PAK5: variants seen among roughly 807,000 people sequenced by gnomAD.
PAK5 encodes the protein p21 (RAC1) activated kinase 5, also known as serine/threonine-protein kinase PAK 5.
In PAK5, 16 loss-of-function variants were observed where a neutral mutation model predicts 65.9. That is an observed-to-expected ratio of 0.24 (90% CI 0.16 to 0.37). PAK5 has a LOEUF of 0.37. PAK5 is among the 10% of genes least tolerant of loss of function. The pLI is 1.00. For missense variants in PAK5, 785 were observed against 903.9 expected (o/e 0.87, Z 1.69); for synonymous variants, 371 against 354.9 (o/e 1.05, Z -0.51).
chr20:9,799,099 T>C (rs79998514), intron 1 of PAK5, among the ~76,000 whole-genome samples: 1,661 of 152,278 alleles, frequency 0.011, 25 homozygotes, highest in African/African-American at 0.037. Context: ...AGTGAAGTCA[T>C]CCTTTATAGA....
Position 9,640,617 on chromosome 20 carries a change from C to T in PAK5, c.204+3508G>A, listed in dbSNP as rs1329974234. Reference sequence around the variant, plus strand: ...CTCACTGACTTCAAGAATGAAGCCGCGGACCCTCGCGGTGAGTGTTACAGC... The same window carrying T: ...CTCACTGACTTCAAGAATGAAGCCGTGGACCCTCGCGGTGAGTGTTACAGC... On this transcript the variant is annotated intron_variant, in intron 3 of 9. Coordinates refer to ENST00000353224, the MANE Select transcript of PAK5 (RefSeq NM_177990.4). Among the ~76,000 whole-genome samples, 4 of 152,188 alleles carry T rather than the reference C, an allele frequency of 2.6e-5. No individual in the cohort carries two copies. The East Asian group carries it at 5.8e-4, about 22-fold the overall frequency.
rs1315105270 is a variant in PAK5, at chr20:9,760,625, C to A, written c.-161-49190G>T. ...TTGAGTTTAGCTTCTTTTTGAAGTT[C>A]ATCATCTATATCAATTCATCTGACA... On this transcript the variant is annotated intron_variant, in intron 1 of 9. Coordinates refer to ENST00000353224, the MANE Select transcript of PAK5 (RefSeq NM_177990.4). Among the ~76,000 whole-genome samples the A allele has an allele frequency of 3.4e-5, 5 of 147,288 alleles. No homozygotes were observed. In the South Asian group the frequency reaches 6.4e-4, roughly 19 times the overall value.
At chr20:9,816,827 A>G (rs74472017) in intron 1 of PAK5, among the ~76,000 whole-genome samples, 5,787 of 152,256 alleles carry the variant, frequency 0.038, 160 homozygotes, top group East Asian at 0.093. Flanking sequence ...AGCCATGACT[A>G]TTACTACTGG....
chr20:9,555,088 T>C (rs1173907694), intron 7 of PAK5, among the ~76,000 whole-genome samples: 3 of 152,210 alleles, frequency 2.0e-5, no homozygotes, highest in African/African-American at 7.2e-5. Flanking sequence ...ATTTGTTTAT[T>C]ATCACATTCC....
intron 1 of PAK5, chr20:9,784,538 G>A (rs1401883987): frequency 6.6e-6 from 1 of 152,120 alleles, no homozygotes; most frequent in Non-Finnish European, 1.5e-5. Flanking sequence ...AATCTTCTTT[G>A]TAAATAGTAT....
At chr20:9,724,165 C>T (rs940346411) in intron 1 of PAK5, among the ~76,000 whole-genome samples, 3 of 152,146 alleles carry the variant, frequency 2.0e-5, no homozygotes, top group African/African-American at 7.2e-5. Flanking sequence ...CCAAAAAAGG[C>T]CCAGCTTGGC....
At chr20:9,767,655 T>C (rs765158264) in intron 1 of PAK5, among the ~76,000 whole-genome samples, 2 of 152,112 alleles carry the variant, frequency 1.3e-5, no homozygotes, top group Non-Finnish European at 2.9e-5. Flanking sequence ...ACCTCTTGGA[T>C]AGTTTGGGGT....
intron 1 of PAK5, among the ~76,000 whole-genome samples, chr20:9,730,693 A>C (rs1348036818): frequency 6.6e-6 from 1 of 152,224 alleles, no homozygotes; most frequent in Admixed American, 6.5e-5. Context: ...GATTGAAGGC[A>C]TACACATACA....
At chr20:9,755,610 T>G (rs1019387021) in intron 1 of PAK5, among the ~76,000 whole-genome samples, 1 of 152,126 alleles carries the variant, frequency 6.6e-6, no homozygotes, top group African/African-American at 2.4e-5. Flanking sequence ...AAATTAGGCA[T>G]GCAGAGATGC....
At chr20:9,691,694 T>A in intron 2 of PAK5, among the ~76,000 whole-genome samples, 1 of 152,212 alleles carries the variant, frequency 6.6e-6, no homozygotes, top group African/African-American at 2.4e-5. Context: ...ATTACTATTA[T>A]TTACAATGAA....
chr20:9,541,102 T>A (rs2045255523), intron 9 of PAK5, among the ~76,000 whole-genome samples: 1 of 152,172 alleles, frequency 6.6e-6, no homozygotes, highest in Admixed American at 6.5e-5. Context: ...TGTTTATGTT[T>A]TTGTAGGTCC....
chr20:9,673,411 G>A (rs182507071), intron 2 of PAK5, among the ~76,000 whole-genome samples: 42 of 152,284 alleles, frequency 2.8e-4, no homozygotes, highest in African/African-American at 9.6e-4. Flanking sequence ...TAGAGTAGCC[G>A]TGAGCTACAT....
intron 3 of PAK5, among the ~76,000 whole-genome samples, chr20:9,596,507 G>T (rs1051222109): frequency 6.6e-6 from 1 of 151,800 alleles, no homozygotes; most frequent in African/African-American, 2.4e-5. Flanking sequence ...GTGGTGGTGG[G>T]CGCCTATAGT....
At chr20:9,726,832 GA>G (rs1346520953) in intron 1 of PAK5, among the ~76,000 whole-genome samples, 6 of 151,398 alleles carry the variant, frequency 4.0e-5, no homozygotes, top group Admixed American at 2.0e-4. Context: ...TAAAGTAAAA[GA>G]AAAAAAAGTA....
intron 1 of PAK5, among the ~76,000 whole-genome samples, chr20:9,804,707 G>T (rs1465691327): frequency 6.6e-6 from 1 of 152,126 alleles, no homozygotes; most frequent in Admixed American, 6.6e-5. Context: ...GAAGAAAAAT[G>T]ATAACTTTGG....
intron 2 of PAK5, among the ~76,000 whole-genome samples, chr20:9,679,914 A>G (rs1405685728): frequency 6.6e-6 from 1 of 152,220 alleles, no homozygotes; most frequent in South Asian, 2.1e-4. Flanking sequence ...TGAAGGTGCC[A>G]TGTGCATCTG....
intron 3 of PAK5, among the ~76,000 whole-genome samples, chr20:9,582,331 T>C (rs1266792324): frequency 6.6e-6 from 1 of 152,220 alleles, no homozygotes; most frequent in Non-Finnish European, 1.5e-5. Flanking sequence ...TATTTTTTGA[T>C]GACCTTGACA....
intron 1 of PAK5, among the ~76,000 whole-genome samples, chr20:9,807,516 C>G (rs1199957184): frequency 1.3e-5 from 2 of 152,046 alleles, no homozygotes; most frequent in Admixed American, 6.6e-5. Flanking sequence ...CATACATACT[C>G]TAGAGAAACT....
chr20:9,691,429 C>A (rs1030763789), intron 2 of PAK5, among the ~76,000 whole-genome samples: 6 of 152,178 alleles, frequency 3.9e-5, no homozygotes, highest in Non-Finnish European at 8.8e-5. Context: ...AATCATAAGA[C>A]TCTACGGAAA....
Sources: allele counts gnomAD v4.1 joint callset (sites outside exome capture counted in the v4.1 genomes callset), GRCh38; gene constraint gnomAD v4.1.1; transcripts MANE v1.5; gene names NCBI Gene and HGNC (gene_info 2026-07-23, HGNC 2026-07-21).